RBFOX1: variants seen among roughly 807,000 people sequenced by gnomAD.
RBFOX1 encodes the protein RNA binding fox-1 homolog 1.
RBFOX1 carries 8 observed loss-of-function variants against 57.7 expected under a neutral mutation model. The ratio of observed to expected loss-of-function variants is 0.14; its 90% CI spans 0.08 to 0.25. RBFOX1 has a LOEUF of 0.25. Among genes scored for constraint, RBFOX1 ranks in the 10% least tolerant of loss-of-function variants. The pLI is 1.00. For missense variants in RBFOX1, 611 were observed against 548.5 expected (o/e 1.11, Z -1.14); for synonymous variants, 326 against 222.4 (o/e 1.47, Z -4.15).
chr16:7,422,811 T>C (rs1445604586), intron 4 of RBFOX1: 1 of 152,206 alleles, frequency 6.6e-6, no homozygotes, highest in Non-Finnish European at 1.5e-5. Context: ...AACCTGCTTG[T>C]TGGATTATTA....
At chr16:7,619,859 G>A (rs1212805069) in intron 10 of RBFOX1, among the ~76,000 whole-genome samples, 2 of 152,174 alleles carry the variant, frequency 1.3e-5, no homozygotes, top group African/African-American at 4.8e-5. Context: ...TGGAGGAGCT[G>A]TGTCTCAATT....
At chr16:6,577,910 A>G (rs112498471) in intron 2 of RBFOX1, among the ~76,000 whole-genome samples, 121 of 152,324 alleles carry the variant, frequency 7.9e-4, no homozygotes, top group African/African-American at 2.7e-3. Flanking sequence ...TTTTACTGCA[A>G]TGTCATACAA....
At chr16:5,866,785 A>G (rs920599548) in intron 3 of RBFOX1, among the ~76,000 whole-genome samples, 1 of 152,220 alleles carries the variant, frequency 6.6e-6, no homozygotes, top group Non-Finnish European at 1.5e-5. Flanking sequence ...AAATGAGATA[A>G]AATATATAAA....
intron 4 of RBFOX1, among the ~76,000 whole-genome samples, chr16:5,920,070 A>T (rs1040072215): frequency 6.6e-6 from 1 of 152,082 alleles, no homozygotes; most frequent in African/African-American, 2.4e-5. Flanking sequence ...AGTAGCGGGG[A>T]CTACAGGCGC....
At chr16:5,488,073 A>G (rs889328174) in intron 2 of RBFOX1, among the ~76,000 whole-genome samples, 1 of 151,666 alleles carries the variant, frequency 6.6e-6, no homozygotes, top group Admixed American at 6.6e-5. Context: ...GATGGTGATG[A>G]TAATGGAGGA....
intron 4 of RBFOX1, among the ~76,000 whole-genome samples, chr16:5,905,173 T>C (rs1371708747): frequency 1.3e-5 from 2 of 149,496 alleles, no homozygotes; most frequent in Middle Eastern, 3.5e-3. Context: ...ATTCAAGTGA[T>C]TCTCCTGCCT....
At chr16:7,447,538 C>G (rs1429505054) in intron 4 of RBFOX1, among the ~76,000 whole-genome samples, 2 of 152,024 alleles carry the variant, frequency 1.3e-5, no homozygotes, top group African/African-American at 2.4e-5. Context: ...GTGATGGTCT[C>G]TGAAGCCTAA....
chr16:6,398,609 T>A (rs2092937484), intron 2 of RBFOX1, among the ~76,000 whole-genome samples: 1 of 152,186 alleles, frequency 6.6e-6, no homozygotes. Flanking sequence ...CTTTAAACAT[T>A]AAAGTTCCCA....
chr16:7,429,683 A>G (rs749226940), intron 4 of RBFOX1, among the ~76,000 whole-genome samples: 1 of 152,208 alleles, frequency 6.6e-6, no homozygotes, highest in African/African-American at 2.4e-5. Context: ...GGACATGGCA[A>G]AGGTAGATAA....
intron 2 of RBFOX1, among the ~76,000 whole-genome samples, chr16:6,363,043 C>G (rs1277746718): frequency 6.6e-6 from 1 of 152,178 alleles, no homozygotes; most frequent in Non-Finnish European, 1.5e-5. Flanking sequence ...CAGTTTTTCT[C>G]TCAATATGAA....
rs1443319428 is a variant in RBFOX1, at chr16:5,497,513, G to A, written c.258+30259G>A. Among the ~76,000 whole-genome samples, 3 of 151,848 alleles carry A rather than the reference G, an allele frequency of 2.0e-5. No individual in the cohort carries two copies. In the South Asian group the frequency reaches 6.3e-4, roughly 32 times the overall value. ...CTTCTGGCCAGGCACGGTGGCTCAT[G>A]TCTCTAATCCCAGCACTTTGGGAGG... On this transcript the variant is annotated intron_variant, in intron 2 of 2. Transcript: ENST00000585867.
chr16:7,681,600 C>A (rs2074769075), intron 14 of RBFOX1, among the ~76,000 whole-genome samples: 1 of 152,042 alleles, frequency 6.6e-6, no homozygotes, highest in Non-Finnish European at 1.5e-5. Context: ...AAGGAATTGT[C>A]AGCATATAAA....
At chr16:6,566,346 T>A (rs1396537035) in intron 2 of RBFOX1, among the ~76,000 whole-genome samples, 1 of 152,202 alleles carries the variant, frequency 6.6e-6, no homozygotes, top group East Asian at 1.9e-4. Context: ...GCAGTACCTT[T>A]AAGATGTGTA....
chr16:7,697,313 G>A (rs1317157552), intron 14 of RBFOX1, among the ~76,000 whole-genome samples: 1 of 152,136 alleles, frequency 6.6e-6, no homozygotes, highest in Admixed American at 6.5e-5. Flanking sequence ...GCTCGAGTCT[G>A]TTAAATGTCC....
Position 5,253,140 on chromosome 16 carries a change from CT to C in RBFOX1, c.219+13046del, listed in dbSNP as rs879461678. Among the ~76,000 whole-genome samples the C allele has an allele frequency of 6.9e-4, 102 of 148,038 alleles. No homozygotes were observed. The East Asian group carries it at 7.1e-3, about 10-fold the overall frequency. On this transcript the variant is annotated intron_variant, in intron 1 of 2. Coordinates refer to the RBFOX1 transcript ENST00000585867. ...CCCCTTTAGCAAATGCTGTGTCATT[CT>C]TTTTTTTTTTCTTTCTTTCTTTTTT...
chr16:5,962,081 C>G (rs943067567), intron 4 of RBFOX1, among the ~76,000 whole-genome samples: 1 of 152,136 alleles, frequency 6.6e-6, no homozygotes, highest in Admixed American at 6.5e-5. Context: ...CCAGCCATCG[C>G]TTACATGTTC....
intron 3 of RBFOX1, among the ~76,000 whole-genome samples, chr16:6,772,538 T>A (rs1189761078): frequency 2.0e-5 from 3 of 151,342 alleles, no homozygotes; most frequent in African/African-American, 7.3e-5. Context: ...GGGGCGCATT[T>A]GTGAGTGTAT....
chr16:7,406,903 C>G (rs1324662723), intron 4 of RBFOX1, among the ~76,000 whole-genome samples: 4 of 152,174 alleles, frequency 2.6e-5, no homozygotes, highest in Non-Finnish European at 5.9e-5. Flanking sequence ...GCTCATGGCC[C>G]CTTCCTCCGT....
At chr16:6,150,411 C>T (rs1375964452) in intron 1 of RBFOX1, among the ~76,000 whole-genome samples, 6 of 151,922 alleles carry the variant, frequency 3.9e-5, no homozygotes, top group Non-Finnish European at 8.8e-5. Context: ...AACAACAGTG[C>T]CCAGGTGAGA....
Sources: gnomAD v4.1 joint callset for allele counts (sites outside exome capture counted in the v4.1 genomes callset) on GRCh38, gnomAD v4.1.1 for gene constraint, MANE v1.5 for transcripts, NCBI Gene and HGNC (gene_info 2026-07-23, HGNC 2026-07-21) for gene names.